CLEC2B: variants seen among roughly 807,000 people sequenced by gnomAD.
The protein encoded by CLEC2B is C-type (calcium dependent, carbohydrate-recognition domain) lectin, superfamily member 2 (activation-induced).
Under a neutral mutation model 16.2 loss-of-function variants are expected in CLEC2B, and 14 were observed. The observed-to-expected ratio is 0.86, with a 90% CI of 0.57 to 1.35. The LOEUF (loss-of-function observed/expected upper bound fraction) is 1.35, where lower values mean the gene tolerates loss of function less well. Ranked by LOEUF, CLEC2B falls within the 40% of genes most tolerant of loss-of-function variation. CLEC2B has a pLI of 0.00. For synonymous variants in CLEC2B, 42 were observed against 55.8 expected (o/e 0.75, Z 1.10); for missense variants, 166 against 182.3 (o/e 0.91, Z 0.52).
intron 2 of CLEC2B, among the ~76,000 whole-genome samples, chr12:9,859,001 G>A (rs1195236172): frequency 6.6e-6 from 1 of 151,798 alleles, no homozygotes; most frequent in Non-Finnish European, 1.5e-5. Flanking sequence ...TTTTCAACCT[G>A]TTATATGATA....
Position 9,853,085 on chromosome 12 carries a change from G to GAAAGAA in CLEC2B, c.*214_*215insTTCTTT, listed in dbSNP as rs1555123321. 207 of 315,352 alleles carry GAAAGAA rather than the reference G, an allele frequency of 6.6e-4. No individual in the cohort carries two copies. Among genetic ancestry groups the GAAAGAA allele is most frequent in the African/African-American group, 1.2e-3 (30 of 24,480 alleles). The allele number at this position is 315,352 out of a possible 1,614,324, so 19.5% of individuals were successfully genotyped here. ...AGAAAGAAAGAAAGAAAGAAAGAAAGAGAGAGAGAGAAAGAAAGAAAGAAA... is the reference window on the plus strand; with the variant it reads ...AGAAAGAAAGAAAGAAAGAAAGAAAGAAAGAAAGAGAGAGAGAAAGAAAGAAAGAAA... On this transcript the variant is annotated 3_prime_UTR_variant, in exon 5 of 5. Transcript: ENST00000228438.
rs58510892 is a variant in CLEC2B, at chr12:9,853,082, A to AG, written c.*217_*218insC. ...AAAAGAAAGAAAGAAAGAAAGAAAG[A>AG]AAGAGAGAGAGAGAAAGAAAGAAAG... On this transcript the variant is annotated 3_prime_UTR_variant, in exon 5 of 5. Coordinates refer to ENST00000228438, the MANE Select transcript of CLEC2B (RefSeq NM_005127.3). 2,006 of 417,696 alleles carry AG rather than the reference A, an allele frequency of 4.8e-3. No homozygotes were observed. Among genetic ancestry groups the AG allele is most frequent in the African/African-American group, 6.6e-3 (310 of 47,170 alleles). The allele number at this position is 417,696 out of a possible 1,614,324, so 25.9% of individuals were successfully genotyped here. A position where few individuals can be genotyped will look rare whatever the true frequency, so the allele number is the denominator to read the frequency against.
chr12:9,867,118 T>C (rs897646509), intron 1 of CLEC2B: 2 of 152,150 alleles, frequency 1.3e-5, no homozygotes, highest in Non-Finnish European at 2.9e-5. Flanking sequence ...GAAGAGGTCA[T>C]TTATATTGGA....
intron 4 of CLEC2B, 109 bp from the exon 5 acceptor site, chr12:9,853,517 C>T: frequency 1.3e-6 from 1 of 776,382 alleles, no homozygotes; most frequent in Admixed American, 2.0e-5. Context: ...TGTACTATGG[C>T]ACAGTTCTCT....
chr12:9,853,412 C>T lies in CLEC2B; in HGVS notation c.342-4G>A, dbSNP rs1565514242. On this transcript the variant is annotated splice_region_variant and splice_polypyrimidine_tract_variant and intron_variant, in intron 4 of 4. Transcript: ENST00000228438. ...TTCACTCCCTCTCATGCCAAACCTG[C>T]AACAAAGGGATTAACCATTATGTAG... is the stretch of plus-strand genomic sequence containing the variant. 6.2e-7 allele frequency: 1 copy of T among 1,609,588 alleles called. No homozygotes were observed. Among genetic ancestry groups the T allele is most frequent in the Non-Finnish European group, 8.5e-7 (1 of 1,175,898 alleles).
intron 1 of CLEC2B, among the ~76,000 whole-genome samples, chr12:9,865,013 T>C (rs1027191378): frequency 3.9e-5 from 6 of 151,944 alleles, no homozygotes; most frequent in African/African-American, 1.5e-4. Context: ...CGAAACCACA[T>C]TTCTACTAAA....
chr12:9,855,400 C>G (rs2136977055), intron 3 of CLEC2B, among the ~76,000 whole-genome samples: 1 of 151,980 alleles, frequency 6.6e-6, no homozygotes, highest in Non-Finnish European at 1.5e-5. Context: ...AAACATTGTC[C>G]TACATTCAAA....
intron 3 of CLEC2B, 43 bp downstream of exon 3, chr12:9,857,431 C>T (rs368321365): frequency 9.4e-5 from 134 of 1,432,188 alleles, no homozygotes; most frequent in African/African-American, 2.3e-4. Flanking sequence ...TCTAATGCTC[C>T]GACTCAAGAA....
Position 9,857,656 on chromosome 12 carries a change from T to A in CLEC2B, c.74-19A>T. The A allele has an allele frequency of 6.3e-7, 1 of 1,575,672 alleles. No homozygotes were observed. The highest frequency in any genetic ancestry group is 8.7e-7 in the Non-Finnish European group (1 of 1,146,888). ...AGTTTAACTGGAAATGAGACAAATA[T>A]ATATCTTAAGTACCATATAGAATAA... On this transcript the variant is annotated intron_variant, in intron 2 of 4. Transcript: ENST00000228438.
chr12:9,860,750 T>C (rs1383109524), intron 2 of CLEC2B, among the ~76,000 whole-genome samples: 1 of 151,844 alleles, frequency 6.6e-6, no homozygotes, highest in Non-Finnish European at 1.5e-5. Flanking sequence ...ATGATATAGA[T>C]ACAAAGATAG....
intron 2 of CLEC2B, among the ~76,000 whole-genome samples, chr12:9,859,565 T>C (rs1476863394): frequency 6.6e-6 from 1 of 151,752 alleles, no homozygotes; most frequent in African/African-American, 2.4e-5. Context: ...ACTTAAAAAA[T>C]TGCACAAAAA....
At chr12:9,856,644 C>T (rs1867895841) in intron 3 of CLEC2B, among the ~76,000 whole-genome samples, 1 of 152,070 alleles carries the variant, frequency 6.6e-6, no homozygotes, top group Non-Finnish European at 1.5e-5. Flanking sequence ...GACTCTTGTG[C>T]TATTCTGCTT....
chr12:9,855,653 GGA>G (rs1349054654), intron 3 of CLEC2B, among the ~76,000 whole-genome samples: 4 of 151,908 alleles, frequency 2.6e-5, no homozygotes, highest in African/African-American at 7.2e-5. Flanking sequence ...AAAGGCTTCA[GGA>G]GAGAGCTTGA....
intron 1 of CLEC2B, chr12:9,867,333 A>G (rs574366751): frequency 6.6e-6 from 1 of 152,354 alleles, no homozygotes; most frequent in South Asian, 2.1e-4. Flanking sequence ...TTATTTAAAT[A>G]ACTAATGAAT....
Position 9,852,477 on chromosome 12 carries a change from G to A in CLEC2B, c.*823C>T, listed in dbSNP as rs1195839609. ...AAAACCAGTTTTGCAGTCACAGTAG[G>A]TTGTTTTAATAGCTGTTAGATAAAA... is the stretch of plus-strand genomic sequence containing the variant. On this transcript the variant is annotated 3_prime_UTR_variant, in exon 5 of 5. Coordinates refer to ENST00000228438, the MANE Select transcript of CLEC2B (RefSeq NM_005127.3). Among the ~76,000 whole-genome samples the A allele has an allele frequency of 6.6e-6, 1 of 152,160 alleles. No homozygotes were observed. Among genetic ancestry groups the A allele is most frequent in the African/African-American group, 2.4e-5 (1 of 41,426 alleles).
chr12:9,864,039 A>G (rs1867952377), intron 1 of CLEC2B, among the ~76,000 whole-genome samples: 1 of 152,184 alleles, frequency 6.6e-6, no homozygotes, highest in Non-Finnish European at 1.5e-5. Flanking sequence ...AAAAGAGAGG[A>G]TCCTAAAATC....
At chr12:9,863,006 C>T (rs1165688870) in intron 1 of CLEC2B, among the ~76,000 whole-genome samples, 1 of 152,208 alleles carries the variant, frequency 6.6e-6, no homozygotes, top group East Asian at 1.9e-4. Context: ...AGTGGGGAGG[C>T]AGGACTACCA....
At chr12:9,864,643 T>C (rs1215419181) in intron 1 of CLEC2B, among the ~76,000 whole-genome samples, 2 of 152,212 alleles carry the variant, frequency 1.3e-5, no homozygotes, top group African/African-American at 2.4e-5. Flanking sequence ...TTGTTATATC[T>C]ATAAGATTTT....
chr12:9,865,321 T>TTTGC (rs1692128977), intron 1 of CLEC2B, among the ~76,000 whole-genome samples: 2 of 151,796 alleles, frequency 1.3e-5, no homozygotes, highest in African/African-American at 4.8e-5. Flanking sequence ...TGAACAAAGA[T>TTTGC]ATTCCATGCA....
Sources: allele counts gnomAD v4.1 joint callset (sites outside exome capture counted in the v4.1 genomes callset), GRCh38; gene constraint gnomAD v4.1.1; transcripts MANE v1.5; gene names NCBI Gene and HGNC (gene_info 2026-07-23, HGNC 2026-07-21).